The following SORCS2 variants were observed in gnomAD, a reference collection of about 807,000 sequenced individuals.
The protein encoded by SORCS2 is sortilin related VPS10 domain containing receptor 2.
In SORCS2, 100 loss-of-function variants were observed where a neutral mutation model predicts 141.6. The observed-to-expected ratio is 0.71, with a 90% CI of 0.60 to 0.83. The LOEUF (loss-of-function observed/expected upper bound fraction) is 0.83, where lower values mean the gene tolerates loss of function less well. Ranked by LOEUF, SORCS2 falls within the 40% of genes least tolerant of loss-of-function variation. SORCS2 has a pLI of 0.00. For synonymous variants in SORCS2, 789 were observed against 676.9 expected (o/e 1.17, Z -2.57); for missense variants, 1,646 against 1,560.2 (o/e 1.05, Z -0.93).
At chr4:7,704,389 G>A (rs1725284034) in intron 14 of SORCS2, 105 bp downstream of exon 14, 1 of 1,026,820 alleles carries the variant, frequency 9.7e-7, no homozygotes. Flanking sequence ...GGGAATCAGG[G>A]ACATCTGCCA....
intron 1 of SORCS2, among the ~76,000 whole-genome samples, chr4:7,271,863 CCCTGGATGGGA>C (rs1207478243): frequency 6.6e-6 from 1 of 152,194 alleles, no homozygotes; most frequent in Non-Finnish European, 1.5e-5. Context: ...GAAGGATGGG[CCCTGGATGGGA>C]GCCCCAGGCT....
chr4:7,345,101 T>TA (rs996394371), intron 1 of SORCS2, among the ~76,000 whole-genome samples: 18 of 152,304 alleles, frequency 1.2e-4, no homozygotes, highest in African/African-American at 4.3e-4. Context: ...GGAAGGATTT[T>TA]ACCTTGTGAT....
intron 1 of SORCS2, among the ~76,000 whole-genome samples, chr4:7,334,678 G>C (rs756483241): frequency 6.6e-6 from 1 of 152,124 alleles, no homozygotes; most frequent in Non-Finnish European, 1.5e-5. Flanking sequence ...AGGTGGACAC[G>C]GTCACTGCCT....
Position 7,560,127 on chromosome 4 carries a change from C to A in SORCS2, c.648+28498C>A, listed in dbSNP as rs1204237538. On this transcript the variant is annotated intron_variant, in intron 3 of 26. Transcript: ENST00000507866. The stretch of plus-strand genomic sequence containing the variant: ...CAGGTTAGGAGCACAGGAAAAATGC[C>A]GGCTGCCAAGCCCACGGAAATGGCT... 2.6e-5 allele frequency among the ~76,000 whole-genome samples: 4 copies of A among 152,196 alleles called. No individual in the cohort carries two copies. In the East Asian group the frequency reaches 5.8e-4, roughly 22 times the overall value.
At chr4:7,714,969 C>G (rs1031948014) in intron 16 of SORCS2, among the ~76,000 whole-genome samples, 1 of 152,184 alleles carries the variant, frequency 6.6e-6, no homozygotes. Flanking sequence ...CTCCAGGTTT[C>G]TCTGAGTTCA....
intron 3 of SORCS2, among the ~76,000 whole-genome samples, chr4:7,630,659 C>T (rs1320930050): frequency 2.0e-5 from 3 of 152,164 alleles, no homozygotes; most frequent in Admixed American, 6.5e-5. Context: ...GGGGAAGCGC[C>T]GGGTGGAAGA....
At chr4:7,314,305 T>C (rs889768466) in intron 1 of SORCS2, among the ~76,000 whole-genome samples, 1 of 151,524 alleles carries the variant, frequency 6.6e-6, no homozygotes, top group African/African-American at 2.4e-5. Context: ...TCCCCAGAGT[T>C]CCTAAGAAAA....
In SORCS2 at chr4:7,468,592, G is replaced by A. The variant is rs114202375; in HGVS notation, c.549-62938G>A. 8.7e-3 allele frequency among the ~76,000 whole-genome samples: 1,333 copies of A among 152,360 alleles called. 15 individuals are homozygous for A. The highest frequency in any genetic ancestry group is 0.031 in the African/African-American group (1,274 of 41,582). On this transcript the variant is annotated intron_variant, in intron 2 of 26. Transcript: ENST00000507866. The stretch of plus-strand genomic sequence containing the variant: ...TGTTGAATGCATCAACGCGTAGAGT[G>A]AATGAATAAGCGTTCTTGTGCTTTC...
chr4:7,727,177 A>G lies in SORCS2; in HGVS notation c.2869+274A>G, dbSNP rs557215202. 2.6e-5 allele frequency among the ~76,000 whole-genome samples: 4 copies of G among 152,350 alleles called. No individual in the cohort carries two copies. The East Asian group carries it at 7.7e-4, about 29-fold the overall frequency. On this transcript the variant is annotated intron_variant, in intron 21 of 26. Transcript: ENST00000507866. ...TCATGGGACAGAACACACCAGGGACAAGGTCACCCAGCAGCAAGACAGCCA... is the reference window on the plus strand; with the variant it reads ...TCATGGGACAGAACACACCAGGGACGAGGTCACCCAGCAGCAAGACAGCCA...
chr4:7,733,319 C>A lies in SORCS2; in HGVS notation c.3109-3C>A. On this transcript the variant is annotated splice_polypyrimidine_tract_variant and splice_region_variant and intron_variant, in intron 23 of 26. Transcript: ENST00000507866. ...TCACTCACTGTCCCCTCTGTGCTTG[C>A]AGAGGCTCGCCGCCATCCAGCAGGT... 7 of 1,550,926 alleles carry A rather than the reference C, an allele frequency of 4.5e-6. No individual in the cohort carries two copies. In the South Asian group the frequency reaches 8.4e-5, roughly 19 times the overall value.
chr4:7,553,028 A>G (rs1162710585), intron 3 of SORCS2, among the ~76,000 whole-genome samples: 1 of 152,196 alleles, frequency 6.6e-6, no homozygotes. Context: ...ATAGAACTAG[A>G]GGCCATTTTG....
chr4:7,515,060 C>A (rs893772577), intron 2 of SORCS2, among the ~76,000 whole-genome samples: 3 of 152,196 alleles, frequency 2.0e-5, no homozygotes, highest in Non-Finnish European at 2.9e-5. Context: ...CTGCCAGAGG[C>A]CTTCTGCTTC....
intron 1 of SORCS2, among the ~76,000 whole-genome samples, chr4:7,362,627 T>C (rs913604401): frequency 2.0e-5 from 3 of 152,206 alleles, no homozygotes; most frequent in Admixed American, 6.5e-5. Context: ...AGGGGGAACC[T>C]GACCAGGGAG....
intron 1 of SORCS2, among the ~76,000 whole-genome samples, chr4:7,309,987 G>A (rs1412811151): frequency 1.3e-5 from 2 of 152,196 alleles, no homozygotes; most frequent in Non-Finnish European, 2.9e-5. Context: ...GGAAATGGGG[G>A]GATTCAAACT....
chr4:7,611,517 C>A (rs772124770), intron 3 of SORCS2, among the ~76,000 whole-genome samples: 1 of 152,184 alleles, frequency 6.6e-6, no homozygotes, highest in African/African-American at 2.4e-5. Flanking sequence ...TTGTTCATGT[C>A]TTCATGTGGA....
chr4:7,251,369 C>T (rs899661006), intron 1 of SORCS2, among the ~76,000 whole-genome samples: 4 of 152,092 alleles, frequency 2.6e-5, no homozygotes, highest in Non-Finnish European at 4.4e-5. Flanking sequence ...AATATACATA[C>T]GAATATTCAA....
At position 7,567,936 on chromosome 4, in the gene SORCS2, G is replaced by T. The variant is rs144797104; in HGVS notation, c.648+36307G>T. ...GCTTTGGTCATTGGGAGCACTTTCAGTTGGCTGCTGTGTCTCTTTGACATA... is the reference window on the plus strand; with the variant it reads ...GCTTTGGTCATTGGGAGCACTTTCATTTGGCTGCTGTGTCTCTTTGACATA... On this transcript the variant is annotated intron_variant, in intron 3 of 26. Coordinates refer to ENST00000507866, the MANE Select transcript of SORCS2 (RefSeq NM_020777.3). 3.2e-3 allele frequency among the ~76,000 whole-genome samples: 490 copies of T among 152,260 alleles called. 6 individuals carry two copies. Among genetic ancestry groups the T allele is most frequent in the Non-Finnish European group, 3.0e-3 (201 of 68,032 alleles).
chr4:7,434,066 C>T (rs762818927), intron 2 of SORCS2: 1 of 1,611,212 alleles, frequency 6.2e-7, no homozygotes, highest in Non-Finnish European at 8.5e-7. Flanking sequence ...AGGGAGGGGA[C>T]CCCGTCCATG....
At chr4:7,245,508 C>T (rs1713023561) in intron 1 of SORCS2, among the ~76,000 whole-genome samples, 1 of 152,256 alleles carries the variant, frequency 6.6e-6, no homozygotes, top group East Asian at 1.9e-4. Flanking sequence ...CACTCTGGCT[C>T]TTGCTAGTTG....
Sources: allele counts gnomAD v4.1 joint callset (sites outside exome capture counted in the v4.1 genomes callset), GRCh38; gene constraint gnomAD v4.1.1; transcripts MANE v1.5; gene names NCBI Gene and HGNC (gene_info 2026-07-23, HGNC 2026-07-21).